Variants in MYO9A observed in about 807,000 individuals in gnomAD.
MYO9A encodes the protein myosin IXA.
In MYO9A, 103 loss-of-function variants were observed where a neutral mutation model predicts 293.3. That is an observed-to-expected ratio of 0.35 (90% CI 0.30 to 0.41). The LOEUF (loss-of-function observed/expected upper bound fraction) is 0.41, where lower values mean the gene tolerates loss of function less well. MYO9A is among the 10% of genes least tolerant of loss of function. MYO9A has a pLI of 1.00. For synonymous variants in MYO9A, 1,001 were observed against 1,035.7 expected, an observed-to-expected ratio of 0.97 and a Z score of 0.64; for missense variants, 2,685 against 3,033.0, an observed-to-expected ratio of 0.89 and a Z score of 2.69.
intron 2 of MYO9A, among the ~76,000 whole-genome samples, chr15:72,039,713 C>T (rs1267817203): frequency 1.3e-5 from 2 of 152,112 alleles, no homozygotes; most frequent in Non-Finnish European, 2.9e-5. Context: ...CCTATAGTCC[C>T]AGCTACTCAA....
chr15:71,845,104 G>A (rs1331409450), intron 39 of MYO9A, among the ~76,000 whole-genome samples: 1 of 152,180 alleles, frequency 6.6e-6, no homozygotes, highest in Admixed American at 6.5e-5. Context: ...ACAAAAATAG[G>A]AAGGAACTGA....
intron 13 of MYO9A, among the ~76,000 whole-genome samples, chr15:71,966,264 A>T (rs1246965798): frequency 6.8e-5 from 2 of 29,418 alleles, no homozygotes; most frequent in African/African-American, 2.7e-4. Context: ...TATCCCAGGC[A>T]AGTGTGTGTG....
intron 2 of MYO9A, 98 bp downstream of exon 2, chr15:72,045,626 C>G: frequency 7.6e-7 from 1 of 1,309,248 alleles, no homozygotes; most frequent in East Asian, 2.5e-5. Flanking sequence ...CTCCACACAT[C>G]GACCTGGTAT....
chr15:71,883,633 C>T lies in MYO9A; in HGVS notation c.5359G>A (p.Ala1787Thr). 6.2e-7 allele frequency: 1 copy of T among 1,613,602 alleles called. No individual in the cohort carries two copies. The highest frequency in any genetic ancestry group is 8.5e-7 in the Non-Finnish European group (1 of 1,179,784). ...TGAGCTGGAATCACATCTGTGCCTG[C>T]AAAGAGTGGCGAAACCTCTGACTGG... ...TTQSEVSPLF[A>T]GTDVIPAHQF... The change falls in exon 28 of 42, where the codon GCA (alanine) becomes ACA (threonine). Residue 1787 changes from alanine to threonine, a missense_variant. This residue lies in a region of MYO9A where 1,434 missense variants were observed against 1,497.7 expected (regional missense o/e 0.96). Coordinates refer to ENST00000356056, the MANE Select transcript of MYO9A (RefSeq NM_006901.4).
Position 71,823,557 on chromosome 15 carries a change from A to G in MYO9A, c.*3023T>C, listed in dbSNP as rs147085941. ...CAAAATAATTTAAATGGCAGGAGGT[A>G]CAAAGTACGTTGTAAACTAAGCCTC... is the stretch of plus-strand genomic sequence containing the variant. On this transcript the variant is annotated 3_prime_UTR_variant, in exon 42 of 42. Transcript: ENST00000356056. 1.9e-4 allele frequency: 29 copies of G among 152,380 alleles called. No individual in the cohort carries two copies. Among genetic ancestry groups the G allele is most frequent in the African/African-American group, 6.5e-4 (27 of 41,590 alleles). 9.4% of individuals were successfully genotyped at this position (152,380 alleles called of 1,614,324 possible).
At chr15:71,952,438 T>C (rs1319568022) in intron 14 of MYO9A, among the ~76,000 whole-genome samples, 2 of 152,158 alleles carry the variant, frequency 1.3e-5, no homozygotes, top group Admixed American at 1.3e-4. Flanking sequence ...TACTTATAAA[T>C]TTGAAAACAA....
In MYO9A at chr15:71,823,325, T is replaced by A. The variant is rs1385447164; in HGVS notation, c.*3255A>T. ...CATTTCTGTGACCCTCTGTTTTTGA[T>A]GGAGAAAACAACGCTACTGTTATGA... On this transcript the variant is annotated 3_prime_UTR_variant, in exon 42 of 42. Transcript: ENST00000356056. 1.3e-5 allele frequency: 2 copies of A among 152,212 alleles called. No individual in the cohort carries two copies. Among genetic ancestry groups the A allele is most frequent in the African/African-American group, 4.8e-5 (2 of 41,458 alleles). The allele number at this position is 152,212 out of a possible 1,614,324, so 9.4% of individuals were successfully genotyped here.
chr15:71,867,798 TCACACACACACACACACACACACACACA>T (rs57300333), intron 32 of MYO9A, among the ~76,000 whole-genome samples: 3 of 127,632 alleles, frequency 2.4e-5, no homozygotes, highest in South Asian at 6.1e-4. Flanking sequence ...TGGGAATCCA[TCACACACACACACACACACACACACACA>T]CACACACACA....
chr15:72,039,440 A>C (rs1450378137), intron 2 of MYO9A, among the ~76,000 whole-genome samples: 2 of 151,902 alleles, frequency 1.3e-5, no homozygotes, highest in Non-Finnish European at 2.9e-5. Context: ...ATTTTTGTTT[A>C]TATATATTTA....
At chr15:72,014,739 G>A (rs112485626) in intron 6 of MYO9A, among the ~76,000 whole-genome samples, 4 of 143,284 alleles carry the variant, frequency 2.8e-5, no homozygotes, top group African/African-American at 8.1e-5. Flanking sequence ...GAGAGAGAGA[G>A]AGAAAGAAAG....
chr15:71,995,280 A>G (rs2076665809), intron 9 of MYO9A, among the ~76,000 whole-genome samples: 1 of 152,176 alleles, frequency 6.6e-6, no homozygotes, highest in South Asian at 2.1e-4. Context: ...AAAGCCATTA[A>G]TTTCTGTGGA....
chr15:71,876,628 G>T (rs977741049), intron 31 of MYO9A, among the ~76,000 whole-genome samples: 2 of 150,382 alleles, frequency 1.3e-5, no homozygotes, highest in African/African-American at 2.5e-5. Context: ...TAGAGACGGG[G>T]TTTCACTATG....
chr15:72,102,274 A>C (rs2150936533), intron 1 of MYO9A, among the ~76,000 whole-genome samples: 1 of 150,686 alleles, frequency 6.6e-6, no homozygotes, highest in East Asian at 1.9e-4. Flanking sequence ...TGTTAAACAG[A>C]TGCTTGAAGG....
chr15:71,915,463 A>G (rs4777471), intron 19 of MYO9A, among the ~76,000 whole-genome samples: 30,251 of 151,126 alleles, frequency 0.2, 3,272 homozygotes, highest in East Asian at 0.41. Context: ...GATGTGACCA[A>G]ATAGCCTGCA....
chr15:71,846,430 A>C (rs1390604945), intron 39 of MYO9A, among the ~76,000 whole-genome samples: 1 of 152,224 alleles, frequency 6.6e-6, no homozygotes, highest in African/African-American at 2.4e-5. Flanking sequence ...CAAAGTTTTA[A>C]GTTCCAGATA....
Position 72,010,452 on chromosome 15 carries a change from T to G in MYO9A, c.1156-5A>C. On this transcript the variant is annotated splice_region_variant and splice_polypyrimidine_tract_variant and intron_variant, in intron 6 of 41. Transcript: ENST00000356056. ...TCCTTCCACCGTGAAGCAATCCTGC[T>G]TATTTAAAATAAAAGTTTAAAAATC... The G allele has an allele frequency of 6.2e-7, 1 of 1,608,376 alleles. No individual in the cohort carries two copies. The highest frequency in any genetic ancestry group is 1.1e-5 in the South Asian group (1 of 90,184).
At chr15:72,055,011 A>G (rs962131952) in intron 1 of MYO9A, among the ~76,000 whole-genome samples, 2 of 152,236 alleles carry the variant, frequency 1.3e-5, no homozygotes, top group African/African-American at 4.8e-5. Flanking sequence ...ATTACTAGAA[A>G]GAATATAAAA....
chr15:72,092,237 A>C (rs2079937434), intron 1 of MYO9A, among the ~76,000 whole-genome samples: 1 of 152,186 alleles, frequency 6.6e-6, no homozygotes, highest in Non-Finnish European at 1.5e-5. Flanking sequence ...CCCCTATACC[A>C]TATGGCTGGA....
At chr15:71,945,832 C>G (rs574179122) in intron 15 of MYO9A, among the ~76,000 whole-genome samples, 1 of 152,166 alleles carries the variant, frequency 6.6e-6, no homozygotes, top group Non-Finnish European at 1.5e-5. Flanking sequence ...AGTATTCAAT[C>G]TTTCACTAAT....
Sources: allele counts gnomAD v4.1 joint callset (sites outside exome capture counted in the v4.1 genomes callset), GRCh38; gene constraint gnomAD v4.1.1; regional missense constraint gnomAD v4.1.1; transcripts MANE v1.5; gene names NCBI Gene and HGNC (gene_info 2026-07-23, HGNC 2026-07-21).